The following SGMS1 variants were observed in gnomAD, a reference collection of about 807,000 sequenced individuals.
SGMS1 encodes phosphatidylcholine:ceramide cholinephosphotransferase 1.
Under a neutral mutation model 46.2 loss-of-function variants are expected in SGMS1, and 13 were observed. That is an observed-to-expected ratio of 0.28 (90% CI 0.18 to 0.45). The LOEUF is 0.45. Among genes scored for constraint, SGMS1 ranks in the 20% least tolerant of loss-of-function variants. The pLI is 1.00. For missense variants in SGMS1, 324 were observed against 519.9 expected (o/e 0.62, Z 3.66); for synonymous variants, 203 against 187.8 (o/e 1.08, Z -0.66).
chr10:50,406,474 G>A (rs1326026910), intron 6 of SGMS1, among the ~76,000 whole-genome samples: 1 of 152,162 alleles, frequency 6.6e-6, no homozygotes, highest in Admixed American at 6.5e-5. Context: ...TTTTGCTGGT[G>A]TGGCACTACA....
intron 3 of SGMS1, among the ~76,000 whole-genome samples, chr10:50,487,129 G>A (rs1246379699): frequency 6.6e-6 from 1 of 152,164 alleles, no homozygotes; most frequent in African/African-American, 2.4e-5. Context: ...GATGCATAGT[G>A]GGGAACAACA....
At chr10:50,537,360 G>A (rs1838011127) in intron 2 of SGMS1, among the ~76,000 whole-genome samples, 1 of 151,606 alleles carries the variant, frequency 6.6e-6, no homozygotes, top group African/African-American at 2.4e-5. Flanking sequence ...AAATGTTGGG[G>A]TACTCAGCCC....
chr10:50,545,326 G>GT (rs1223692174), intron 2 of SGMS1, among the ~76,000 whole-genome samples: 1 of 152,198 alleles, frequency 6.6e-6, no homozygotes, highest in Non-Finnish European at 1.5e-5. Context: ...GCTGGGTGAG[G>GT]TGTCAGAGCC....
At chr10:50,377,429 TG>T (rs1727599157) in intron 6 of SGMS1, among the ~76,000 whole-genome samples, 1 of 152,214 alleles carries the variant, frequency 6.6e-6, no homozygotes, top group African/African-American at 2.4e-5. Flanking sequence ...ACTGTTACAC[TG>T]GGAATTATCT....
At chr10:50,501,584 T>C (rs1303797448) in intron 3 of SGMS1, among the ~76,000 whole-genome samples, 2 of 152,170 alleles carry the variant, frequency 1.3e-5, no homozygotes, top group African/African-American at 4.8e-5. Context: ...CTAAAACAGC[T>C]TGTAAATAAA....
intron 6 of SGMS1, among the ~76,000 whole-genome samples, chr10:50,368,262 G>A (rs993395288): frequency 1.3e-5 from 2 of 152,106 alleles, no homozygotes; most frequent in African/African-American, 4.8e-5. Flanking sequence ...AAATACAAAA[G>A]CTTAAAAATT....
At chr10:50,408,838 G>A (rs1209136534) in intron 6 of SGMS1, among the ~76,000 whole-genome samples, 4 of 152,004 alleles carry the variant, frequency 2.6e-5, no homozygotes, top group Non-Finnish European at 5.9e-5. Flanking sequence ...TTGTACCATC[G>A]CACTCCAGCA....
chr10:50,348,799 A>C (rs1408039306), intron 6 of SGMS1, among the ~76,000 whole-genome samples: 3 of 152,242 alleles, frequency 2.0e-5, no homozygotes, highest in African/African-American at 7.2e-5. Context: ...CTTTCTTCAC[A>C]GAACTAGAGA....
rs114179315 is a variant in SGMS1 at position 50,484,417 on chromosome 10, T to C, written c.-497-17485A>G. 9.3e-3 allele frequency among the ~76,000 whole-genome samples: 1,422 copies of C among 152,098 alleles called. 26 individuals carry two copies. Among genetic ancestry groups the C allele is most frequent in the African/African-American group, 0.033 (1,357 of 41,500 alleles). On this transcript the variant is annotated intron_variant, in intron 3 of 10. Transcript: ENST00000361781. ...GAGGCAATAATTAATAGCCTAGCAA[T>C]CAAACAAACCCAGGACCAGACGGAT...
chr10:50,486,602 C>A (rs1837523186), intron 3 of SGMS1, among the ~76,000 whole-genome samples: 1 of 152,086 alleles, frequency 6.6e-6, no homozygotes, highest in Admixed American at 6.5e-5. Flanking sequence ...CAAATCAAAA[C>A]CACTAGATGC....
In SGMS1 at chr10:50,490,511, G is replaced by T. The variant is rs554762210; in HGVS notation, c.-497-23579C>A. Among the ~76,000 whole-genome samples the T allele has an allele frequency of 4.6e-5, 7 of 152,340 alleles. No individual in the cohort carries two copies. The South Asian group carries it at 8.3e-4, about 18-fold the overall frequency. On this transcript the variant is annotated intron_variant, in intron 3 of 10. Coordinates refer to ENST00000361781, the MANE Select transcript of SGMS1 (RefSeq NM_147156.4). ...AAGCCTACATAGCAGCAACACTGAA[G>T]AATCTCGATTTCACATCATATGGTT...
rs1460859921 is a variant in SGMS1 at position 50,444,118 on chromosome 10, G to C, written c.-312-10562C>G. 2.0e-5 allele frequency among the ~76,000 whole-genome samples: 3 copies of C among 152,152 alleles called. No homozygotes were observed. In the East Asian group the frequency reaches 5.8e-4, roughly 29 times the overall value. On this transcript the variant is annotated intron_variant, in intron 5 of 10. Transcript: ENST00000361781. ...ATAGGAAACAAGTTTTAAAATGGTA[G>C]ATCTAAAACTAACATGTCAATATAC...
intron 1 of SGMS1, among the ~76,000 whole-genome samples, chr10:50,616,280 C>G (rs1838796436): frequency 6.6e-6 from 1 of 151,788 alleles, no homozygotes; most frequent in African/African-American, 2.4e-5. Flanking sequence ...ACCACCACAA[C>G]TGGCTAATTT....
At chr10:50,457,608 G>A (rs986692199) in intron 5 of SGMS1, among the ~76,000 whole-genome samples, 1 of 151,832 alleles carries the variant, frequency 6.6e-6, no homozygotes, top group African/African-American at 2.4e-5. Context: ...ACTGTCTATC[G>A]TTCCCATCTT....
In SGMS1 at chr10:50,442,149, C is replaced by T. The variant is rs1043868310; in HGVS notation, c.-312-8593G>A. On this transcript the variant is annotated intron_variant, in intron 5 of 10. Coordinates refer to ENST00000361781, the MANE Select transcript of SGMS1 (RefSeq NM_147156.4). Reference sequence around the variant, plus strand: ...AACAAAACAAAACAAAACAAAAGGGCGTTCATTCAATAATACTGACTTTTT... The same window carrying T: ...AACAAAACAAAACAAAACAAAAGGGTGTTCATTCAATAATACTGACTTTTT... Among the ~76,000 whole-genome samples, 12 of 150,786 alleles carry T rather than the reference C, an allele frequency of 8.0e-5. 1 individual carries two copies. In the East Asian group the frequency reaches 9.7e-4, roughly 12 times the overall value.
chr10:50,474,762 A>G (rs867923150), intron 3 of SGMS1, among the ~76,000 whole-genome samples: 26 of 152,200 alleles, frequency 1.7e-4, no homozygotes, highest in African/African-American at 5.8e-4. Context: ...ACAAAACAAA[A>G]CAAAAACTAA....
At chr10:50,615,825 C>T (rs562676550) in intron 1 of SGMS1, among the ~76,000 whole-genome samples, 26 of 152,318 alleles carry the variant, frequency 1.7e-4, no homozygotes, top group African/African-American at 6.3e-4. Flanking sequence ...TCTCTCCTCT[C>T]ATAACTCCCC....
intron 1 of SGMS1, among the ~76,000 whole-genome samples, chr10:50,606,112 T>C (rs1838692183): frequency 1.3e-5 from 2 of 152,162 alleles, no homozygotes; most frequent in South Asian, 4.1e-4. Flanking sequence ...GACAGATGAA[T>C]GGATAAACAA....
At chr10:50,351,634 G>A (rs1005235409) in intron 6 of SGMS1, among the ~76,000 whole-genome samples, 4 of 152,092 alleles carry the variant, frequency 2.6e-5, no homozygotes, top group Non-Finnish European at 4.4e-5. Flanking sequence ...GGTTTATCAG[G>A]GGTTTCCATT....
Sources: allele counts gnomAD v4.1 joint callset (sites outside exome capture counted in the v4.1 genomes callset), GRCh38; gene constraint gnomAD v4.1.1; transcripts MANE v1.5; gene names NCBI Gene and HGNC (gene_info 2026-07-23, HGNC 2026-07-21).